Variants in SNRNP200 observed in about 807,000 individuals in gnomAD.
SNRNP200 encodes small nuclear ribonucleoprotein U5 subunit 200.
SNRNP200 carries 66 observed loss-of-function variants against 255.2 expected under a neutral mutation model. The observed-to-expected ratio is 0.26, with a 90% CI of 0.21 to 0.32. SNRNP200 has a LOEUF of 0.32. Among genes scored for constraint, SNRNP200 ranks in the 10% least tolerant of loss-of-function variants. The probability of loss-of-function intolerance (pLI) is 1.00; values close to 1 mark genes in which losing one functional copy is unlikely to be tolerated. For missense variants in SNRNP200, 1,585 were observed against 2,749.8 expected (o/e 0.58, Z 9.47); for synonymous variants, 939 against 1,027.8 (o/e 0.91, Z 1.65).
At position 96,277,744 on chromosome 2, in the gene SNRNP200, G is replaced by A. The variant is rs1396839114; in HGVS notation, c.5755-29C>T. On this transcript the variant is annotated intron_variant, in intron 40 of 44. Transcript: ENST00000323853. The surrounding 1 kb of genome is among the most constrained non-coding windows in gnomAD (Gnocchi z 4.4). ...AACAGGAAAAGGAGTATAAAAGTGG[G>A]CGGAGTTGGAGCTGAGATGTTTAGA... 8 of 1,614,016 alleles carry A rather than the reference G, an allele frequency of 5.0e-6. No individual in the cohort carries two copies. The highest frequency in any genetic ancestry group is 6.8e-6 in the Non-Finnish European group (8 of 1,180,042).
In SNRNP200 at chr2:96,286,197, A is replaced by T; in HGVS notation, c.4003+114T>A. On this transcript the variant is annotated intron_variant, in intron 29 of 44. Coordinates refer to ENST00000323853, the MANE Select transcript of SNRNP200 (RefSeq NM_014014.5). This position sits in a 1 kb window ranked among gnomAD's most constrained non-coding sequence, Gnocchi z 4.8. ...CTGGTGGGTCCCAGCGGTCACACTG[A>T]GGAGCTCCCAGACCTCCCAAGTGCC... The T allele has an allele frequency of 9.7e-7, 1 of 1,032,214 alleles. No individual in the cohort carries two copies. Among genetic ancestry groups the T allele is most frequent in the Admixed American group, 1.7e-5 (1 of 59,024 alleles). 63.9% of individuals were successfully genotyped at this position (1,032,214 alleles called of 1,614,324 possible). A position where few individuals can be genotyped will look rare whatever the true frequency, so the allele number is the denominator to read the frequency against.
At chr2:96,279,223 G>A (rs1684719470) in intron 36 of SNRNP200, 1 of 645,510 alleles carries the variant, frequency 1.5e-6, no homozygotes, top group Admixed American at 2.4e-5. Context: ...GGAGGAAGGA[G>A]AGAACCAAGT....
chr2:96,292,624 G>A (rs1005090736), intron 16 of SNRNP200, among the ~76,000 whole-genome samples: 1 of 152,154 alleles, frequency 6.6e-6, no homozygotes, highest in African/African-American at 2.4e-5. Flanking sequence ...CTGGGACTGG[G>A]GATTGCTTGC....
Position 96,305,505 on chromosome 2 carries a change from C to G in SNRNP200, c.-68G>C, listed in dbSNP as rs1462082741. The G allele has an allele frequency of 3.1e-6, 5 of 1,603,034 alleles. No homozygotes were observed. The highest frequency in any genetic ancestry group is 1.3e-5 in the African/African-American group (1 of 74,766). On this transcript the variant is annotated 5_prime_UTR_variant, in exon 1 of 45. Coordinates refer to ENST00000323853, the MANE Select transcript of SNRNP200 (RefSeq NM_014014.5). ...CCGCAAGCTGCAAACGGCCGCAGAT[C>G]TCTGCTCCCGCCGCGCCGGAACGAC...
At chr2:96,301,178 A>G (rs1238241002) in intron 4 of SNRNP200, 125 bp from the exon 5 acceptor site, 10 of 824,128 alleles carry the variant, frequency 1.2e-5, no homozygotes, top group Middle Eastern at 4.4e-4. Flanking sequence ...ACACATACAG[A>G]TACTTAGATG....
At chr2:96,301,982 T>A (rs2063956259) in intron 3 of SNRNP200, among the ~76,000 whole-genome samples, 1 of 152,186 alleles carries the variant, frequency 6.6e-6, no homozygotes, top group African/African-American at 2.4e-5. Context: ...TTGGCAGACC[T>A]CCTCTAGCTT....
chr2:96,278,626 G>A lies in SNRNP200; in HGVS notation c.5409C>T (p.Ser1803=), dbSNP rs139137932. The A allele has an allele frequency of 1.5e-4, 238 of 1,614,114 alleles. 1 individual carries two copies. Among genetic ancestry groups the A allele is most frequent in the African/African-American group, 2.7e-5 (2 of 74,934 alleles). The change falls in exon 38 of 45, where the codon AGC becomes AGT. Residue 1803 remains serine, a synonymous_variant. Coordinates refer to ENST00000323853, the MANE Select transcript of SNRNP200 (RefSeq NM_014014.5). The surrounding 1 kb of genome is among the most constrained non-coding windows in gnomAD (Gnocchi z 6.9). The part of the protein sequence containing the change: ...LSDLEQSKCI[S]IEDEMDVAPL... Reference sequence around the variant, plus strand: ...GCGCCACGTCCATCTCGTCCTCGATGCTGATGCACTTGGACTGCTCCAGGT... The same window carrying A: ...GCGCCACGTCCATCTCGTCCTCGATACTGATGCACTTGGACTGCTCCAGGT...
Position 96,291,925 on chromosome 2 carries a change from C to T in SNRNP200, c.2161-25G>A, listed in dbSNP as rs748846203. On this transcript the variant is annotated intron_variant, in intron 16 of 44. Coordinates refer to ENST00000323853, the MANE Select transcript of SNRNP200 (RefSeq NM_014014.5). This position sits in a 1 kb window ranked among gnomAD's most constrained non-coding sequence, Gnocchi z 4.2. The stretch of plus-strand genomic sequence containing the variant: ...CCTAAGGAGAAGCCACAGTTTGCTA[C>T]AGTCACGAGATACTCACAGCCCCAG... 5 of 1,612,534 alleles carry T rather than the reference C, an allele frequency of 3.1e-6. No homozygotes were observed. The highest frequency in any genetic ancestry group is 2.7e-5 in the African/African-American group (2 of 74,916).
In SNRNP200 at chr2:96,295,506, C is replaced by T; in HGVS notation, c.1824G>A (p.Leu608=). The T allele has an allele frequency of 1.9e-6, 3 of 1,613,878 alleles. No individual in the cohort carries two copies. Among genetic ancestry groups the T allele is most frequent in the Non-Finnish European group, 2.5e-6 (3 of 1,180,026 alleles). The part of the protein sequence containing the change: ...RKGGERTYTQ[L]VRLIILDEIH... ...AACTCACCAGAATGATGAGCCGCAC[C>T]AGCTGGGTGTAGGTGCGCTCACCAC... Residue 608 remains leucine, a synonymous_variant, in exon 14 of 45, where the codon CTG becomes CTA. Transcript: ENST00000323853.
chr2:96,291,598 A>G lies in SNRNP200; in HGVS notation c.2311-96T>C, dbSNP rs1033579208. 7.3e-6 allele frequency: 9 copies of G among 1,230,600 alleles called. No individual in the cohort carries two copies. In the African/African-American group the frequency reaches 1.0e-4, roughly 14 times the overall value. 76.2% of individuals were successfully genotyped at this position (1,230,600 alleles called of 1,614,324 possible). On this transcript the variant is annotated intron_variant, in intron 17 of 44. Coordinates refer to ENST00000323853, the MANE Select transcript of SNRNP200 (RefSeq NM_014014.5). The surrounding 1 kb of genome is among the most constrained non-coding windows in gnomAD (Gnocchi z 4.2). The stretch of plus-strand genomic sequence containing the variant: ...TCCCATGAGACCCTGCCCCTTAACT[A>G]TTATGTGGAATAGTAATAATCACAT...
chr2:96,275,311 G>A lies in SNRNP200; in HGVS notation c.6213C>T (p.Ala2071=). ...EEGWWVVIGD[A]KSNSLISIKR... is the part of the protein sequence containing the mutation. Reference sequence around the variant, plus strand: ...TGATGGAGATGAGGCTATTGGACTTGGCATCTCCAATCACCACCCACCAGC... The same window carrying A: ...TGATGGAGATGAGGCTATTGGACTTAGCATCTCCAATCACCACCCACCAGC... The change falls in exon 44 of 45, where the codon GCC becomes GCT. Residue 2071 remains alanine, a synonymous_variant. Transcript: ENST00000323853. 1 of 1,613,816 alleles carries A rather than the reference G, an allele frequency of 6.2e-7. No homozygotes were observed. Among genetic ancestry groups the A allele is most frequent in the Non-Finnish European group, 8.5e-7 (1 of 1,180,028 alleles).
Position 96,283,032 on chromosome 2 carries a change from C to A in SNRNP200, c.4915+169G>T. 1 of 820,236 alleles carries A rather than the reference C, an allele frequency of 1.2e-6. No homozygotes were observed. Among genetic ancestry groups the A allele is most frequent in the Non-Finnish European group, 2.0e-6 (1 of 498,474 alleles). 50.8% of individuals were successfully genotyped at this position (820,236 alleles called of 1,614,324 possible). On this transcript the variant is annotated intron_variant, in intron 34 of 44. Coordinates refer to ENST00000323853, the MANE Select transcript of SNRNP200 (RefSeq NM_014014.5). The surrounding 1 kb of genome is among the most constrained non-coding windows in gnomAD (Gnocchi z 4.7). Reference sequence around the variant, plus strand: ...TAGGGATAGTGTTTGTCTCACCTGCCTCACGAGGTTCTTGGGAGGATCAAA... The same window carrying A: ...TAGGGATAGTGTTTGTCTCACCTGCATCACGAGGTTCTTGGGAGGATCAAA...
At chr2:96,303,548 C>T (rs2063966266) in intron 2 of SNRNP200, among the ~76,000 whole-genome samples, 1 of 152,178 alleles carries the variant, frequency 6.6e-6, no homozygotes, top group South Asian at 2.1e-4. Context: ...CTATCATCTT[C>T]TCACTAGATG....
In SNRNP200 at chr2:96,275,029, C is replaced by T. The variant is rs754772790; in HGVS notation, c.6394G>A (p.Asp2132Asn). The change falls in exon 45 of 45, where the codon GAC becomes AAC. Residue 2132 changes from aspartate to asparagine, a missense_variant. Transcript: ENST00000323853. ...FSVDVKEAET[D>N]SDSD is the part of the protein sequence containing the mutation. ...CTCAGGACTCAATCTGAATCACTGT[C>T]TGTCTCAGCTTCTTTCACATCCACG... is the stretch of plus-strand genomic sequence containing the variant. The T allele has an allele frequency of 6.2e-7, 1 of 1,614,192 alleles. No homozygotes were observed. The highest frequency in any genetic ancestry group is 1.1e-5 in the South Asian group (1 of 91,082).
chr2:96,294,803 GT>G (rs750231433), intron 14 of SNRNP200, among the ~76,000 whole-genome samples: 1 of 152,180 alleles, frequency 6.6e-6, no homozygotes, highest in Non-Finnish European at 1.5e-5. Flanking sequence ...GGATATGATG[GT>G]TTTTTGTCTA....
At chr2:96,288,937 G>A in intron 23 of SNRNP200, 100 bp downstream of exon 23, 1 of 1,189,064 alleles carries the variant, frequency 8.4e-7, no homozygotes. Context: ...GAACTGAGCA[G>A]GAAACCACAC....
Position 96,286,640 on chromosome 2 carries a change from T to G in SNRNP200, c.3829+48A>C. ...GACAAAGTGCAAGACATTCTTCTACTGTCCTTGGAGGGACTGTTCCTGGGG... is the reference window on the plus strand; with the variant it reads ...GACAAAGTGCAAGACATTCTTCTACGGTCCTTGGAGGGACTGTTCCTGGGG... On this transcript the variant is annotated intron_variant, in intron 28 of 44. Transcript: ENST00000323853. The surrounding 1 kb of genome is among the most constrained non-coding windows in gnomAD (Gnocchi z 4.8). The G allele has an allele frequency of 1.2e-6, 2 of 1,605,694 alleles. No homozygotes were observed. The highest frequency in any genetic ancestry group is 1.7e-6 in the Non-Finnish European group (2 of 1,174,186).
intron 3 of SNRNP200, among the ~76,000 whole-genome samples, chr2:96,302,787 T>C (rs1193480753): frequency 6.6e-6 from 1 of 152,166 alleles, no homozygotes; most frequent in Non-Finnish European, 1.5e-5. Context: ...ATTTTTACTA[T>C]AAGGCATATT....
rs2063841926 is a variant in SNRNP200, at chr2:96,286,058, G to A, written c.4003+253C>T. Among the ~76,000 whole-genome samples, 1 of 152,214 alleles carries A rather than the reference G, an allele frequency of 6.6e-6. No homozygotes were observed. Among genetic ancestry groups the A allele is most frequent in the Admixed American group, 6.5e-5 (1 of 15,284 alleles). On this transcript the variant is annotated intron_variant, in intron 29 of 44. Transcript: ENST00000323853. The surrounding 1 kb of genome is among the most constrained non-coding windows in gnomAD (Gnocchi z 4.8). Reference sequence around the variant, plus strand: ...TTGAGCGCCAGGGGCAGGCCTCTAAGCCTCCTGGGCCCGAGAAATGACCAT... The same window carrying A: ...TTGAGCGCCAGGGGCAGGCCTCTAAACCTCCTGGGCCCGAGAAATGACCAT...
Sources: allele counts gnomAD v4.1 joint callset (sites outside exome capture counted in the v4.1 genomes callset), GRCh38; gene constraint gnomAD v4.1.1; non-coding constraint Gnocchi (gnomAD v3.1); transcripts MANE v1.5; gene names NCBI Gene and HGNC (gene_info 2026-07-23, HGNC 2026-07-21).